The following HERC6 variants were observed in gnomAD, a reference collection of about 807,000 sequenced individuals.
The protein encoded by HERC6 is HECT and RLD domain containing E3 ubiquitin protein ligase family member 6.
Under a neutral mutation model 114.5 loss-of-function variants are expected in HERC6, and 101 were observed. The ratio of observed to expected loss-of-function variants is 0.88; its 90% CI spans 0.75 to 1.04. The LOEUF (loss-of-function observed/expected upper bound fraction) is 1.04, where lower values mean the gene tolerates loss of function less well. Ranked by LOEUF, HERC6 falls within the 50% of genes least tolerant of loss-of-function variation. The pLI is 0.00. For synonymous variants in HERC6, 408 were observed against 436.2 expected (o/e 0.94, Z 0.81); for missense variants, 1,133 against 1,230.9 (o/e 0.92, Z 1.19).
intron 15 of HERC6, 133 bp downstream of exon 15, chr4:88,424,835 CT>C: frequency 1.6e-6 from 1 of 618,294 alleles, no homozygotes; most frequent in Non-Finnish European, 2.8e-6. Context: ...CACTTTTTTT[CT>C]TTGTTGTTGT....
At chr4:88,386,394 C>T (rs1057305758) in intron 3 of HERC6, among the ~76,000 whole-genome samples, 3 of 151,838 alleles carry the variant, frequency 2.0e-5, no homozygotes, top group Non-Finnish European at 2.9e-5. Context: ...TTAGTATAGA[C>T]GAGGTTTCAC....
Position 88,417,583 on chromosome 4 carries a change from A to G in HERC6, c.1713+4A>G. ...AATGATGAAAGAACTGCATAAGGTA[A>G]GGGTTACTCTAAAGGAATGCATGTA... On this transcript the variant is annotated splice_donor_region_variant and intron_variant, in intron 13 of 22. Transcript: ENST00000264346. 6.2e-7 allele frequency: 1 copy of G among 1,610,788 alleles called. No homozygotes were observed.
intron 22 of HERC6, among the ~76,000 whole-genome samples, chr4:88,441,366 C>T (rs1397289870): frequency 2.6e-5 from 4 of 152,196 alleles, no homozygotes; most frequent in South Asian, 2.1e-4. Flanking sequence ...AGCAACCCTA[C>T]GAGGTAGGTA....
intron 8 of HERC6, chr4:88,399,691 A>G: frequency 1.3e-5 from 2 of 152,112 alleles, no homozygotes; most frequent in Non-Finnish European, 2.9e-5. Flanking sequence ...GAATTGTTTG[A>G]ACCCAGGAGT....
At chr4:88,424,047 G>A in intron 14 of HERC6, 74 bp downstream of exon 14, 2 of 688,704 alleles carry the variant, frequency 2.9e-6, no homozygotes, top group Non-Finnish European at 4.7e-6. Context: ...ATCTGTAAAG[G>A]TACTCTTTGA....
intron 1 of HERC6, among the ~76,000 whole-genome samples, chr4:88,382,848 C>G (rs575649070): frequency 3.9e-5 from 6 of 152,196 alleles, no homozygotes; most frequent in African/African-American, 1.4e-4. Context: ...TTGGTAAAGT[C>G]TCTAGTTAGA....
rs1409956051 is a variant in HERC6 at position 88,435,895 on chromosome 4, A to G, written c.2417+4A>G. On this transcript the variant is annotated splice_donor_region_variant and intron_variant, in intron 18 of 22. Transcript: ENST00000264346. ...AACTCAGTCCTCGGTTGGGGAAGTAAGTAAATATAACGTTTTTTCAGGACC... is the reference window on the plus strand; with the variant it reads ...AACTCAGTCCTCGGTTGGGGAAGTAGGTAAATATAACGTTTTTTCAGGACC... The G allele has an allele frequency of 2.9e-5, 46 of 1,597,370 alleles. No individual in the cohort carries two copies. Among genetic ancestry groups the G allele is most frequent in the Non-Finnish European group, 3.9e-5 (46 of 1,173,524 alleles).
At chr4:88,417,664 C>A in intron 13 of HERC6, 85 bp downstream of exon 13, 2 of 1,146,530 alleles carry the variant, frequency 1.7e-6, no homozygotes, top group Non-Finnish European at 2.4e-6. Context: ...TCTAAGAAGT[C>A]AAATAAAAAT....
At chr4:88,396,198 A>G (rs1452159016) in intron 6 of HERC6, 56 bp downstream of exon 6, 1 of 1,380,142 alleles carries the variant, frequency 7.2e-7, no homozygotes, top group South Asian at 1.9e-5. Context: ...GTTATATTTT[A>G]TTACTTAGAA....
In HERC6 at chr4:88,428,751, G is replaced by T; in HGVS notation, c.2106+1G>T. The T allele has an allele frequency of 6.5e-7, 1 of 1,527,298 alleles. No individual in the cohort carries two copies. The highest frequency in any genetic ancestry group is 8.8e-7 in the Non-Finnish European group (1 of 1,141,006). 94.6% of individuals were successfully genotyped at this position (1,527,298 alleles called of 1,614,324 possible). On this transcript the variant is annotated splice_donor_variant, in intron 16 of 22. Coordinates refer to ENST00000264346, the MANE Select transcript of HERC6 (RefSeq NM_017912.4). LOFTEE classifies it high-confidence loss of function. The stretch of plus-strand genomic sequence containing the variant: ...TACTGACTTCTGCAAAGTATTAGTG[G>T]TACAGTAAAAAGTCTCATTGAACAT...
chr4:88,393,379 AAT>A, intron 4 of HERC6, 107 bp from the exon 5 acceptor site: 1 of 469,630 alleles, frequency 2.1e-6, no homozygotes, highest in Non-Finnish European at 3.6e-6. Flanking sequence ...AGAATAATAA[AAT>A]ATATCTCTTA....
At position 88,380,663 on chromosome 4, in the gene HERC6, G is replaced by C. The variant is rs556676809; in HGVS notation, c.199+1543G>C. Reference sequence around the variant, plus strand: ...ACCCGGGAGGCAGAGGTTGCAGTGAGCCGAAATCGCGACACTGCACTCCAG... The same window carrying C: ...ACCCGGGAGGCAGAGGTTGCAGTGACCCGAAATCGCGACACTGCACTCCAG... On this transcript the variant is annotated intron_variant, in intron 1 of 22. Coordinates refer to ENST00000264346, the MANE Select transcript of HERC6 (RefSeq NM_017912.4). Among the ~76,000 whole-genome samples, 19 of 149,582 alleles carry C rather than the reference G, an allele frequency of 1.3e-4. No individual in the cohort carries two copies. The East Asian group carries it at 3.1e-3, about 25-fold the overall frequency.
chr4:88,435,853 A>G lies in HERC6; in HGVS notation c.2379A>G (p.Ser793=). ...AAAAACTTCTGGACCAAAAGCCATC[A>G]TTGGAAGATTTAAAAGAACTCAGTC... is the stretch of plus-strand genomic sequence containing the variant. ...LYKKLLDQKP[S]LEDLKELSPR... Residue 793 remains serine, a synonymous_variant, in exon 18 of 23, where the codon TCA becomes TCG. Coordinates refer to ENST00000264346, the MANE Select transcript of HERC6 (RefSeq NM_017912.4). 6.2e-7 allele frequency: 1 copy of G among 1,610,294 alleles called. No individual in the cohort carries two copies. Among genetic ancestry groups the G allele is most frequent in the Non-Finnish European group, 8.5e-7 (1 of 1,178,470 alleles).
chr4:88,398,086 T>C lies in HERC6; in HGVS notation c.1025-56T>C, dbSNP rs193050946. ...AATAAATTTTTGGCTTGATAATACA[T>C]CAGATTTATTTTTACTTCTAGAAAC... On this transcript the variant is annotated intron_variant, in intron 7 of 22. Transcript: ENST00000264346. The C allele has an allele frequency of 8.3e-6, 10 of 1,209,848 alleles. No individual in the cohort carries two copies. In the African/African-American group the frequency reaches 1.6e-4, roughly 19 times the overall value. 74.9% of individuals were successfully genotyped at this position (1,209,848 alleles called of 1,614,324 possible). A position where few individuals can be genotyped will look rare whatever the true frequency, so the allele number is the denominator to read the frequency against.
At position 88,385,487 on chromosome 4, in the gene HERC6, T is replaced by C; in HGVS notation, c.360-12T>C. 6.3e-6 allele frequency: 8 copies of C among 1,268,378 alleles called. No individual in the cohort carries two copies. Among genetic ancestry groups the C allele is most frequent in the Non-Finnish European group, 8.8e-6 (8 of 909,308 alleles). 78.6% of individuals were successfully genotyped at this position (1,268,378 alleles called of 1,614,324 possible). A position where few individuals can be genotyped will look rare whatever the true frequency, so the allele number is the denominator to read the frequency against. On this transcript the variant is annotated splice_polypyrimidine_tract_variant and intron_variant, in intron 2 of 22. Coordinates refer to ENST00000264346, the MANE Select transcript of HERC6 (RefSeq NM_017912.4). ...ATAAGGATTAATCAATTTTGTATTA[T>C]TTGTATTATAGGAAAATAATGACTC...
At chr4:88,404,355 T>C (rs1357540005) in intron 8 of HERC6, among the ~76,000 whole-genome samples, 1 of 151,816 alleles carries the variant, frequency 6.6e-6, no homozygotes, top group Non-Finnish European at 1.5e-5. Flanking sequence ...GCCCGGCTAA[T>C]TTTTTGTATT....
chr4:88,412,723 C>T lies in HERC6; in HGVS notation c.1369-354C>T, dbSNP rs575580031. Among the ~76,000 whole-genome samples, 24 of 152,328 alleles carry T rather than the reference C, an allele frequency of 1.6e-4. No individual in the cohort carries two copies. The South Asian group carries it at 4.6e-3, about 29-fold the overall frequency. On this transcript the variant is annotated intron_variant, in intron 11 of 22. Coordinates refer to ENST00000264346, the MANE Select transcript of HERC6 (RefSeq NM_017912.4). The stretch of plus-strand genomic sequence containing the variant: ...ATATTGTGTGAGGGGAAGGGGACAG[C>T]TCTTCCTTCTAGAAGGAGGAATACT...
intron 5 of HERC6, among the ~76,000 whole-genome samples, chr4:88,394,982 G>T (rs2148880757): frequency 6.6e-6 from 1 of 152,218 alleles, no homozygotes; most frequent in South Asian, 2.1e-4. Flanking sequence ...CTTGGCATAG[G>T]TATGACACAG....
chr4:88,390,410 C>G (rs564486877), intron 3 of HERC6, among the ~76,000 whole-genome samples: 1 of 150,706 alleles, frequency 6.6e-6, no homozygotes, highest in South Asian at 2.1e-4. Flanking sequence ...GTATTCTCAC[C>G]ACACACACAC....
Sources: gnomAD v4.1 joint callset for allele counts (sites outside exome capture counted in the v4.1 genomes callset) on GRCh38, gnomAD v4.1.1 for gene constraint, MANE v1.5 for transcripts, NCBI Gene and HGNC (gene_info 2026-07-23, HGNC 2026-07-21) for gene names.